The following SERPINE2 variants were observed in gnomAD, a reference collection of about 807,000 sequenced individuals.
The protein encoded by SERPINE2 is glia-derived nexin.
SERPINE2 carries 14 observed loss-of-function variants against 36.3 expected under a neutral mutation model. The observed-to-expected ratio is 0.39, with a 90% CI of 0.25 to 0.60. The LOEUF is 0.60. SERPINE2 is among the 20% of genes least tolerant of loss of function. The probability of loss-of-function intolerance (pLI) is 0.57; values close to 1 mark genes in which losing one functional copy is unlikely to be tolerated. For missense variants in SERPINE2, 418 were observed against 499.6 expected (o/e 0.84, Z 1.56); for synonymous variants, 192 against 191.8 (o/e 1.00, Z -0.01).
chr2:223,999,620 G>A (rs973131488), intron 2 of SERPINE2, among the ~76,000 whole-genome samples: 2 of 152,138 alleles, frequency 1.3e-5, no homozygotes, highest in Admixed American at 6.5e-5. Flanking sequence ...GTAAGAAAAC[G>A]GCCGGCTTTG....
chr2:224,022,843 T>C (rs768072219), intron 1 of SERPINE2, among the ~76,000 whole-genome samples: 12 of 152,160 alleles, frequency 7.9e-5, no homozygotes, highest in South Asian at 4.1e-4. Context: ...TGGGAGGTGA[T>C]TGGATCATGG....
In SERPINE2 at chr2:223,977,541, T is replaced by A; in HGVS notation, c.1156+3A>T. ...GGCATGATGGAAGAGGAGAGTCACT[T>A]ACCTGTAGGATTATGTCGGATGAAA... On this transcript the variant is annotated splice_donor_region_variant and intron_variant, in intron 8 of 8. Coordinates refer to ENST00000409304, the MANE Select transcript of SERPINE2 (RefSeq NM_001136528.2). The A allele has an allele frequency of 6.3e-7, 1 of 1,589,302 alleles. No homozygotes were observed.
At chr2:224,002,460 A>C (rs1415093959) in intron 1 of SERPINE2, among the ~76,000 whole-genome samples, 1 of 151,976 alleles carries the variant, frequency 6.6e-6, no homozygotes. Context: ...CAGGTCCTAT[A>C]CTAATCATTA....
At chr2:224,030,459 C>T (rs540848679) in intron 1 of SERPINE2, 88 of 153,672 alleles carry the variant, frequency 5.7e-4, no homozygotes, top group Non-Finnish European at 9.1e-4. Context: ...CTGTGCTTAG[C>T]GCCTAAGATA....
intron 1 of SERPINE2, among the ~76,000 whole-genome samples, chr2:224,032,651 C>T (rs181996281): frequency 6.6e-6 from 1 of 152,324 alleles, no homozygotes. Context: ...TGGAAAGGCA[C>T]AATGGATGTA....
chr2:224,013,189 C>A (rs535310865), intron 1 of SERPINE2, among the ~76,000 whole-genome samples: 5 of 152,206 alleles, frequency 3.3e-5, no homozygotes, highest in African/African-American at 1.2e-4. Flanking sequence ...CCTTTCTCCC[C>A]GGCTCACTGA....
intron 1 of SERPINE2, among the ~76,000 whole-genome samples, chr2:224,032,204 T>C (rs929364928): frequency 6.6e-6 from 1 of 152,258 alleles, no homozygotes; most frequent in African/African-American, 2.4e-5. Context: ...TTTATTTACA[T>C]AGCACTTTCC....
At chr2:224,033,314 A>T (rs990859284) in intron 1 of SERPINE2, among the ~76,000 whole-genome samples, 2 of 152,228 alleles carry the variant, frequency 1.3e-5, no homozygotes, top group East Asian at 3.8e-4. Context: ...ATGTTGGCCC[A>T]TGATGCTGTT....
At chr2:223,980,285 G>A (rs1574807901) in intron 7 of SERPINE2, 26 bp downstream of exon 7, 5 of 1,583,318 alleles carry the variant, frequency 3.2e-6, no homozygotes, top group Non-Finnish European at 4.3e-6. Flanking sequence ...GCTAGAGGAA[G>A]CCCTGCCACG....
intron 1 of SERPINE2, among the ~76,000 whole-genome samples, chr2:224,016,104 G>A (rs1325286779): frequency 1.3e-5 from 2 of 152,198 alleles, no homozygotes; most frequent in Non-Finnish European, 2.9e-5. Flanking sequence ...CCAGATGAAT[G>A]GCTAATACTA....
At chr2:224,034,577 G>A (rs963328114) in intron 1 of SERPINE2, among the ~76,000 whole-genome samples, 5 of 152,148 alleles carry the variant, frequency 3.3e-5, no homozygotes, top group African/African-American at 7.2e-5. Flanking sequence ...TTCCCTGGCT[G>A]CATGCTGACA....
intron 1 of SERPINE2, 143 bp from the exon 2 acceptor site, chr2:224,002,065 C>T (rs1416902031): frequency 5.5e-6 from 4 of 731,652 alleles, no homozygotes; most frequent in Non-Finnish European, 8.6e-6. Context: ...CAACCTCCGC[C>T]TCCTGGGTTC....
chr2:224,034,793 G>A (rs953460765), intron 1 of SERPINE2, among the ~76,000 whole-genome samples: 1 of 152,164 alleles, frequency 6.6e-6, no homozygotes, highest in African/African-American at 2.4e-5. Flanking sequence ...CTCCACCCAG[G>A]GGGGCTGCGA....
chr2:224,032,955 G>T (rs1330646185), intron 1 of SERPINE2, among the ~76,000 whole-genome samples: 1 of 152,182 alleles, frequency 6.6e-6, no homozygotes, highest in African/African-American at 2.4e-5. Context: ...AAGACTCACT[G>T]ACTGTAGAAA....
chr2:224,032,924 A>G (rs551344198), intron 1 of SERPINE2, among the ~76,000 whole-genome samples: 26 of 152,350 alleles, frequency 1.7e-4, no homozygotes, highest in African/African-American at 5.3e-4. Flanking sequence ...AGACCTAGAA[A>G]TCTAACAGCA....
chr2:224,000,248 G>A (rs1377248136), intron 2 of SERPINE2, among the ~76,000 whole-genome samples: 5 of 152,132 alleles, frequency 3.3e-5, no homozygotes. Flanking sequence ...ATGTGAATGT[G>A]ACTTTTGCAA....
In SERPINE2 at chr2:223,975,772, C is replaced by G. The variant is rs1284212994; in HGVS notation, c.*95G>C. 1.6e-5 allele frequency: 17 copies of G among 1,054,186 alleles called. No homozygotes were observed. The East Asian group carries it at 3.0e-4, about 18-fold the overall frequency. The allele number at this position is 1,054,186 out of a possible 1,614,324, so 65.3% of individuals were successfully genotyped here. On this transcript the variant is annotated 3_prime_UTR_variant, in exon 9 of 9. Transcript: ENST00000409304. ...CTAGTTTTGAAAAAGAAGCGATGTA[C>G]AAAAATATTTAACAGAACTATGAAA...
intron 1 of SERPINE2, among the ~76,000 whole-genome samples, chr2:224,019,814 T>G (rs1691936275): frequency 6.8e-6 from 1 of 147,028 alleles, no homozygotes; most frequent in Non-Finnish European, 1.5e-5. Context: ...TTTCACAACC[T>G]TGTCACTCTT....
chr2:224,002,110 G>A (rs2106165222), intron 1 of SERPINE2, among the ~76,000 whole-genome samples, 188 bp from the exon 2 acceptor site: 1 of 151,946 alleles, frequency 6.6e-6, no homozygotes, highest in East Asian at 1.9e-4. Context: ...CTGAGTAGCT[G>A]GAATTACAGG....
Sources: gnomAD v4.1 joint callset for allele counts (sites outside exome capture counted in the v4.1 genomes callset) on GRCh38, gnomAD v4.1.1 for gene constraint, MANE v1.5 for transcripts, NCBI Gene and HGNC (gene_info 2026-07-23, HGNC 2026-07-21) for gene names.